Variants in MOSMO observed in about 807,000 individuals in gnomAD.
The protein encoded by MOSMO is modulator of smoothened protein.
In MOSMO, 5 loss-of-function variants were observed where a neutral mutation model predicts 18.4. The ratio of observed to expected loss-of-function variants is 0.27; its 90% confidence interval spans 0.14 to 0.57. The LOEUF (loss-of-function observed/expected upper bound fraction) is 0.57, where lower values mean the gene tolerates loss of function less well. Ranked by LOEUF, MOSMO falls within the 20% of genes least tolerant of loss-of-function variation. The pLI, the probability that MOSMO is intolerant of heterozygous loss-of-function variation, is 0.92. For missense variants in MOSMO, 138 were observed against 211.8 expected (o/e 0.65, Z 2.16); for synonymous variants, 82 against 82.3 (o/e 1.00, Z 0.02).
Position 22,083,594 on chromosome 16 carries a change from A to C in MOSMO, c.*2714A>C. The stretch of plus-strand genomic sequence containing the variant: ...GTACAGTATTAATTTATAGCAGGAA[A>C]TCGTATCTTGTAAACTGTATATAAA... On this transcript the variant is annotated 3_prime_UTR_variant, in exon 3 of 3. Transcript: ENST00000542527. 1 of 440,862 alleles carries C rather than the reference A, an allele frequency of 2.3e-6. No individual in the cohort carries two copies. The highest frequency in any genetic ancestry group is 1.6e-5 in the South Asian group (1 of 60,632). The allele number at this position is 440,862 out of a possible 1,614,324, so 27.3% of individuals were successfully genotyped here.
intron 1 of MOSMO, among the ~76,000 whole-genome samples, chr16:22,054,526 C>T (rs1900495395): frequency 6.6e-6 from 1 of 152,184 alleles, no homozygotes; most frequent in Non-Finnish European, 1.5e-5. Flanking sequence ...CAAAGCCTTA[C>T]CAACCTTACC....
chr16:22,015,132 T>A (rs1374525829), intron 1 of MOSMO, among the ~76,000 whole-genome samples: 1 of 152,212 alleles, frequency 6.6e-6, no homozygotes, highest in Non-Finnish European at 1.5e-5. Flanking sequence ...CAACCCCTAA[T>A]ATGCTTTCTG....
intron 1 of MOSMO, among the ~76,000 whole-genome samples, chr16:22,056,513 G>A (rs1016154247): frequency 2.0e-5 from 3 of 150,480 alleles, no homozygotes; most frequent in Non-Finnish European, 4.4e-5. Context: ...TGGGATTACA[G>A]GCATGCACTA....
chr16:22,029,295 A>G (rs1899947090), intron 1 of MOSMO, among the ~76,000 whole-genome samples: 3 of 152,204 alleles, frequency 2.0e-5, no homozygotes, highest in Non-Finnish European at 4.4e-5. Flanking sequence ...ATGATTCATA[A>G]AATGAAATAG....
At chr16:22,023,223 G>T (rs1356668127) in intron 1 of MOSMO, among the ~76,000 whole-genome samples, 1 of 152,112 alleles carries the variant, frequency 6.6e-6, no homozygotes, top group African/African-American at 2.4e-5. Context: ...TCCCACTCTG[G>T]ATAAGATTTA....
chr16:22,063,107 G>C (rs770605176), intron 1 of MOSMO, among the ~76,000 whole-genome samples: 72 of 152,182 alleles, frequency 4.7e-4, no homozygotes, highest in Non-Finnish European at 9.3e-4. Context: ...ACCCGCCTCA[G>C]CCTCCCAAAG....
chr16:22,084,699 C>T (rs1477169935), downstream of MOSMO: 2 of 152,114 alleles, frequency 1.3e-5, no homozygotes, highest in Admixed American at 1.3e-4. Flanking sequence ...AAATTGATTT[C>T]TTATGGAGGT....
chr16:22,057,635 ATATT>A (rs1252662077), intron 1 of MOSMO, among the ~76,000 whole-genome samples: 2 of 152,240 alleles, frequency 1.3e-5, no homozygotes, highest in Non-Finnish European at 2.9e-5. Flanking sequence ...CATTAGATAT[ATATT>A]GGAAAATAAG....
intron 1 of MOSMO, among the ~76,000 whole-genome samples, chr16:22,038,193 A>G (rs572379557): frequency 6.6e-6 from 1 of 152,366 alleles, no homozygotes; most frequent in Admixed American, 6.5e-5. Flanking sequence ...GTATAACAAG[A>G]TGAAATTGAA....
chr16:22,034,706 T>G (rs913171822), intron 1 of MOSMO, among the ~76,000 whole-genome samples: 2 of 151,046 alleles, frequency 1.3e-5, no homozygotes, highest in African/African-American at 2.4e-5. Context: ...TTGATGTCTT[T>G]GGGGTTTAGA....
chr16:22,039,595 G>C (rs563235718), intron 1 of MOSMO, among the ~76,000 whole-genome samples: 4 of 152,196 alleles, frequency 2.6e-5, no homozygotes, highest in Non-Finnish European at 5.9e-5. Context: ...ACTTTGGGGG[G>C]CCAAGGTGGG....
intron 1 of MOSMO, among the ~76,000 whole-genome samples, chr16:22,036,749 C>A (rs1315101618): frequency 1.3e-5 from 2 of 152,190 alleles, no homozygotes; most frequent in Non-Finnish European, 2.9e-5. Context: ...TATACCCAGC[C>A]ACAAATTTAG....
At chr16:22,079,710 G>C (rs1476115902) in intron 2 of MOSMO, among the ~76,000 whole-genome samples, 3 of 152,194 alleles carry the variant, frequency 2.0e-5, no homozygotes, top group South Asian at 2.1e-4. Context: ...CATGATAAGA[G>C]ATAACCACTG....
At chr16:22,020,946 T>TGTG (rs1217811976) in intron 1 of MOSMO, among the ~76,000 whole-genome samples, 2 of 152,134 alleles carry the variant, frequency 1.3e-5, no homozygotes, top group Admixed American at 6.5e-5. Context: ...GGAGATTGTA[T>TGTG]GTGTAAGAGG....
At chr16:22,025,694 A>G (rs905690309) in intron 1 of MOSMO, among the ~76,000 whole-genome samples, 2 of 152,220 alleles carry the variant, frequency 1.3e-5, no homozygotes, top group Non-Finnish European at 2.9e-5. Context: ...AAGAACTGCA[A>G]AGAAATACTG....
In MOSMO at chr16:22,074,502, T is replaced by C. The variant is rs1900924816; in HGVS notation, c.107-985T>C. Among the ~76,000 whole-genome samples the C allele has an allele frequency of 3.3e-5, 5 of 152,326 alleles. No homozygotes were observed. The South Asian group carries it at 1.0e-3, about 32-fold the overall frequency. On this transcript the variant is annotated intron_variant, in intron 1 of 2. Coordinates refer to ENST00000542527, the MANE Select transcript of MOSMO (RefSeq NM_001164579.2). ...TTCCATTCCTATATTTTTGGTAACT[T>C]TTCCCATTTGCCATTGCTCTTGGAA...
intron 1 of MOSMO, among the ~76,000 whole-genome samples, chr16:22,035,221 T>C (rs894026409): frequency 3.3e-5 from 5 of 152,088 alleles, no homozygotes; most frequent in Admixed American, 2.6e-4. Context: ...CAAGTGCTTC[T>C]TGGTGCCTTG....
chr16:22,072,815 A>G (rs1337558724), intron 1 of MOSMO, among the ~76,000 whole-genome samples: 1 of 152,054 alleles, frequency 6.6e-6, no homozygotes, highest in African/African-American at 2.4e-5. Context: ...TCAAAAAAAA[A>G]AAAAAAAAGT....
At chr16:22,028,366 A>G (rs1899919557) in intron 1 of MOSMO, among the ~76,000 whole-genome samples, 1 of 104,620 alleles carries the variant, frequency 9.6e-6, no homozygotes, top group African/African-American at 7.0e-5. Flanking sequence ...GATCTTTTTT[A>G]TGTTTTTTTT....
Sources: allele counts gnomAD v4.1 joint callset (sites outside exome capture counted in the v4.1 genomes callset), GRCh38; gene constraint gnomAD v4.1.1; transcripts MANE v1.5; gene names NCBI Gene and HGNC (gene_info 2026-07-23, HGNC 2026-07-21).